DNAJB5: variants seen among roughly 807,000 people sequenced by gnomAD.
DNAJB5 encodes dnaJ homolog subfamily B member 5.
DNAJB5 carries 12 observed loss-of-function variants against 32.6 expected under a neutral mutation model. The observed-to-expected ratio is 0.37, with a 90% confidence interval of 0.24 to 0.60. The LOEUF (loss-of-function observed/expected upper bound fraction) is 0.60. Among genes scored for constraint, DNAJB5 ranks in the 20% least tolerant of loss-of-function variants. DNAJB5 has a pLI of 0.71. For missense variants in DNAJB5, 358 were observed against 554.2 expected, an observed-to-expected ratio of 0.65 and a Z score of 3.55; for synonymous variants, 188 against 212.9, an observed-to-expected ratio of 0.88 and a Z score of 1.02.
intron 2 of DNAJB5, chr9:34,992,862 T>C: frequency 8.7e-7 from 1 of 1,148,998 alleles, no homozygotes; most frequent in Admixed American, 4.6e-5. Flanking sequence ...GGTCGCTCAG[T>C]CCATGGTGCC....
In DNAJB5 at chr9:34,993,372, G is replaced by C. The variant is rs1369658683; in HGVS notation, c.355G>C (p.Glu119Gln). Residue 119 changes from glutamate (E) to glutamine (Q), a missense_variant, in exon 3 of 5, where the codon GAG (glutamate) becomes CAG (glutamine). By Grantham distance (29) the Glu-to-Gln change is conservative. Around this residue, in one of 2 missense-constraint regions of DNAJB5, gnomAD observed 248 missense variants for 442.6 expected, o/e 0.56. Transcript: ENST00000682809. The surrounding 1 kb of genome is among the most constrained non-coding windows in gnomAD (Gnocchi z 4.7). ...ACCCAACGCTGAGGAGAAGTTTAAG[G>C]AGATTGCAGAGGCCTATGATGTGCT... ...KEPNAEEKFK[E>Q]IAEAYDVLSD... The C allele has an allele frequency of 6.2e-7, 1 of 1,614,096 alleles. No homozygotes were observed. Among genetic ancestry groups the C allele is most frequent in the Non-Finnish European group, 8.5e-7 (1 of 1,180,014 alleles).
Position 34,993,382 on chromosome 9 carries a change from A to C in DNAJB5, c.365A>C (p.Glu122Ala). Residue 122 changes from glutamate to alanine, a missense_variant, in exon 3 of 5, where the codon GAG becomes GCG. Glu to Ala is a moderately radical substitution (Grantham distance 107). Transcript: ENST00000682809. The surrounding 1 kb of genome is among the most constrained non-coding windows in gnomAD (Gnocchi z 4.7). ...NAEEKFKEIA[E>A]AYDVLSDPKK... is the part of the protein sequence containing the mutation. ...GAGGAGAAGTTTAAGGAGATTGCAG[A>C]GGCCTATGATGTGCTAAGTGACCCC... is the stretch of plus-strand genomic sequence containing the variant. 6.2e-7 allele frequency: 1 copy of C among 1,614,080 alleles called. No individual in the cohort carries two copies. The highest frequency in any genetic ancestry group is 8.5e-7 in the Non-Finnish European group (1 of 1,180,016).
rs952122966 is a variant in DNAJB5 at position 34,996,475 on chromosome 9, T to C, written c.638T>C (p.Phe213Ser). 9.3e-6 allele frequency: 15 copies of C among 1,614,056 alleles called. No homozygotes were observed. Among genetic ancestry groups the C allele is most frequent in the Non-Finnish European group, 1.1e-5 (13 of 1,180,038 alleles). ...GAAGATGAGGACCCATTTGGCGCTT[T>C]CGGCCGTTTTGGCTTCAATGGGCTG... ...VDEDEDPFGA[F>S]GRFGFNGLSR... is the part of the protein sequence containing the mutation. The change falls in exon 4 of 5, where the codon TTC (phenylalanine) becomes TCC (serine). Residue 213 changes from phenylalanine (F) to serine (S), a missense_variant. Physicochemically the swap from Phe to Ser is radical, Grantham distance 155 (BLOSUM62 -2). Coordinates refer to ENST00000682809, the MANE Select transcript of DNAJB5 (RefSeq NM_001349723.3). The surrounding 1 kb of genome is among the most constrained non-coding windows in gnomAD (Gnocchi z 7.2).
rs1827862582 is a variant in DNAJB5 at position 34,998,407 on chromosome 9, A to G, written c.*1148A>G. On this transcript the variant is annotated 3_prime_UTR_variant, in exon 5 of 5. Coordinates refer to ENST00000682809, the MANE Select transcript of DNAJB5 (RefSeq NM_001349723.3). ...TTTTTGTAATGACAGTATTATGTAA[A>G]AAATAAAGTATTTTAAAAATATGGC... The G allele has an allele frequency of 6.6e-6, 1 of 152,548 alleles. No individual in the cohort carries two copies. The highest frequency in any genetic ancestry group is 1.5e-5 in the Non-Finnish European group (1 of 68,044). The allele number at this position is 152,548 out of a possible 1,614,324, so 9.4% of individuals were successfully genotyped here. A position where few individuals can be genotyped will look rare whatever the true frequency, so the allele number is the denominator to read the frequency against.
In DNAJB5 at chr9:34,997,870, G is replaced by T. The variant is rs757836407; in HGVS notation, c.*611G>T. On this transcript the variant is annotated 3_prime_UTR_variant, in exon 5 of 5. Coordinates refer to ENST00000682809, the MANE Select transcript of DNAJB5 (RefSeq NM_001349723.3). The surrounding 1 kb of genome is among the most constrained non-coding windows in gnomAD (Gnocchi z 4.1). ...AGACACTTTTCATCTGGAGCAGGGG[G>T]GTGAGCTCCTCAGCAGCCTCCGTAA... 4 of 199,738 alleles carry T rather than the reference G, an allele frequency of 2.0e-5. No individual in the cohort carries two copies. The highest frequency in any genetic ancestry group is 3.1e-5 in the Non-Finnish European group (3 of 96,380). The allele number at this position is 199,738 out of a possible 1,614,324, so 12.4% of individuals were successfully genotyped here.
Position 34,996,278 on chromosome 9 carries a change from C to T in DNAJB5, c.441C>T (p.Gly147=), listed in dbSNP as rs1325996885. 1.7e-5 allele frequency: 28 copies of T among 1,613,260 alleles called. No individual in the cohort carries two copies. Among genetic ancestry groups the T allele is most frequent in the South Asian group, 6.6e-5 (6 of 91,024 alleles). The stretch of plus-strand genomic sequence containing the variant: ...CCTCCCCTCTAGGCCTGAAGACCGG[C>T]GGTGGCACATCAGGTGGCTCCAGTG... ...DQYGEEGLKT[G]GGTSGGSSGS... is the part of the protein sequence containing the mutation. The change falls in exon 4 of 5, where the codon GGC becomes GGT. Residue 147 remains glycine, a synonymous_variant. Coordinates refer to ENST00000682809, the MANE Select transcript of DNAJB5 (RefSeq NM_001349723.3). The surrounding 1 kb of genome is among the most constrained non-coding windows in gnomAD (Gnocchi z 7.2).
Position 34,996,558 on chromosome 9 carries a change from C to A in DNAJB5, c.721C>A (p.Pro241Thr). The A allele has an allele frequency of 6.2e-7, 1 of 1,614,112 alleles. No homozygotes were observed. The highest frequency in any genetic ancestry group is 1.3e-5 in the African/African-American group (1 of 75,010). The change falls in exon 4 of 5, where the codon CCC (proline) becomes ACC (threonine). Residue 241 changes from proline to threonine, a missense_variant. Physicochemically the swap from Pro to Thr is conservative, Grantham distance 38. Around this residue, in one of 2 missense-constraint regions of DNAJB5, gnomAD observed 248 missense variants for 442.6 expected, o/e 0.56. Transcript: ENST00000682809. This position sits in a 1 kb window ranked among gnomAD's most constrained non-coding sequence, Gnocchi z 7.2. ...PLYPRRKVQD[P>T]PVVHELRVSL... ...GTACCCTCGGCGCAAGGTGCAGGACCCCCCAGTGGTGCACGAGCTGCGGGT... is the reference window on the plus strand; with the variant it reads ...GTACCCTCGGCGCAAGGTGCAGGACACCCCAGTGGTGCACGAGCTGCGGGT...
In DNAJB5 at chr9:34,990,822, T is replaced by C; in HGVS notation, c.182+10T>C. 3 of 1,546,120 alleles carry C rather than the reference T, an allele frequency of 1.9e-6. No individual in the cohort carries two copies. The highest frequency in any genetic ancestry group is 2.6e-6 in the Non-Finnish European group (3 of 1,144,378). ...GGTTTGTAAAGTTTCGGTAAGTCCCTCCGGAGAAGGGCACTCACACCCATA... is the reference window on the plus strand; with the variant it reads ...GGTTTGTAAAGTTTCGGTAAGTCCCCCCGGAGAAGGGCACTCACACCCATA... On this transcript the variant is annotated intron_variant, in intron 2 of 4. Coordinates refer to ENST00000682809, the MANE Select transcript of DNAJB5 (RefSeq NM_001349723.3). The surrounding 1 kb of genome is among the most constrained non-coding windows in gnomAD (Gnocchi z 4.5).
Position 34,993,909 on chromosome 9 carries a change from G to A in DNAJB5, c.427+465G>A, listed in dbSNP as rs997982770. ...AAATGGTTTTCCCCTTCTCTCCCCC[G>A]GCCCTGCCTGCTTCTGGCCAGCAGA... On this transcript the variant is annotated intron_variant, in intron 3 of 4. Coordinates refer to ENST00000682809, the MANE Select transcript of DNAJB5 (RefSeq NM_001349723.3). This position sits in a 1 kb window ranked among gnomAD's most constrained non-coding sequence, Gnocchi z 4.7. Among the ~76,000 whole-genome samples the A allele has an allele frequency of 3.3e-5, 5 of 152,188 alleles. No homozygotes were observed. The highest frequency in any genetic ancestry group is 4.1e-4 in the South Asian group (2 of 4,824).
intron 3 of DNAJB5, among the ~76,000 whole-genome samples, chr9:34,994,984 G>C (rs1025123499): frequency 1.1e-4 from 17 of 152,116 alleles, no homozygotes; most frequent in African/African-American, 3.9e-4. Flanking sequence ...TCCCTATAGA[G>C]AGAATTACCC....
Position 34,990,870 on chromosome 9 carries a change from C to A in DNAJB5, c.182+58C>A. ...ATACCCAGTCAAACCCTCCACGCGG[C>A]CATCCCCTCCATTGCCTTCCTGCTT... On this transcript the variant is annotated intron_variant, in intron 2 of 4. Transcript: ENST00000682809. The surrounding 1 kb of genome is among the most constrained non-coding windows in gnomAD (Gnocchi z 4.5). 1 of 1,483,304 alleles carries A rather than the reference C, an allele frequency of 6.7e-7. No homozygotes were observed. The allele number at this position is 1,483,304 out of a possible 1,614,324, so 91.9% of individuals were successfully genotyped here. A position where few individuals can be genotyped will look rare whatever the true frequency, so the allele number is the denominator to read the frequency against.
At position 34,997,268 on chromosome 9, in the gene DNAJB5, C is replaced by T. The variant is rs1274318724; in HGVS notation, c.*9C>T. ...ACCTACCCTGTTCCTAGGCTCTGCC[C>T]CAGCCAGTCCAGAGCCTACCACAGC... On this transcript the variant is annotated 3_prime_UTR_variant, in exon 5 of 5. Coordinates refer to ENST00000682809, the MANE Select transcript of DNAJB5 (RefSeq NM_001349723.3). The surrounding 1 kb of genome is among the most constrained non-coding windows in gnomAD (Gnocchi z 4.1). 1 of 1,612,734 alleles carries T rather than the reference C, an allele frequency of 6.2e-7. No homozygotes were observed. Among genetic ancestry groups the T allele is most frequent in the Admixed American group, 1.7e-5 (1 of 60,022 alleles).
At position 34,990,716 on chromosome 9, in the gene DNAJB5, C is replaced by T. The variant is rs1429801943; in HGVS notation, c.86C>T (p.Ser29Phe). The T allele has an allele frequency of 6.4e-7, 1 of 1,551,744 alleles. No homozygotes were observed. The highest frequency in any genetic ancestry group is 8.7e-7 in the Non-Finnish European group (1 of 1,146,994). ...GGAGCTTTCCGGAGCTTCCCACACT[C>T]CTGGGGAGAAGACTTCTTAGCCAGC... Reference protein sequence around the residue: ...ARGAFRSFPHSWGEDFLASLM... With the variant: ...ARGAFRSFPHFWGEDFLASLM... Residue 29 changes from serine (S) to phenylalanine (F), a missense_variant, in exon 2 of 5, where the codon TCC (serine) becomes TTC (phenylalanine). Transcript: ENST00000682809. This position sits in a 1 kb window ranked among gnomAD's most constrained non-coding sequence, Gnocchi z 4.5.
Position 34,990,874 on chromosome 9 carries a change from C to A in DNAJB5, c.182+62C>A, listed in dbSNP as rs147463499. 28 of 1,481,278 alleles carry A rather than the reference C, an allele frequency of 1.9e-5. No homozygotes were observed. The highest frequency in any genetic ancestry group is 2.5e-5 in the Non-Finnish European group (28 of 1,107,048). 91.8% of individuals were successfully genotyped at this position (1,481,278 alleles called of 1,614,324 possible). On this transcript the variant is annotated intron_variant, in intron 2 of 4. Coordinates refer to ENST00000682809, the MANE Select transcript of DNAJB5 (RefSeq NM_001349723.3). This position sits in a 1 kb window ranked among gnomAD's most constrained non-coding sequence, Gnocchi z 4.5. ...CCAGTCAAACCCTCCACGCGGCCAT[C>A]CCCTCCATTGCCTTCCTGCTTCCTC...
At position 34,990,105 on chromosome 9, in the gene DNAJB5, ACCAG is replaced by A; in HGVS notation, c.-133+284_-133+287del. ...GTGGGGCGGAGGCATCTGTGAGCAG[ACCAG>A]CCAGCCAGCGCGGGTGACATCACCG... On this transcript the variant is annotated intron_variant, in intron 1 of 4. Transcript: ENST00000682809. This position sits in a 1 kb window ranked among gnomAD's most constrained non-coding sequence, Gnocchi z 4.5. 1 of 766,218 alleles carries A rather than the reference ACCAG, an allele frequency of 1.3e-6. No homozygotes were observed. The highest frequency in any genetic ancestry group is 2.0e-6 in the Non-Finnish European group (1 of 499,224). 47.5% of individuals were successfully genotyped at this position (766,218 alleles called of 1,614,324 possible).
In DNAJB5 at chr9:34,997,280, G is replaced by C; in HGVS notation, c.*21G>C. The C allele has an allele frequency of 6.2e-7, 1 of 1,610,662 alleles. No homozygotes were observed. The highest frequency in any genetic ancestry group is 1.3e-5 in the African/African-American group (1 of 74,940). On this transcript the variant is annotated 3_prime_UTR_variant, in exon 5 of 5. Transcript: ENST00000682809. This position sits in a 1 kb window ranked among gnomAD's most constrained non-coding sequence, Gnocchi z 4.1. Reference sequence around the variant, plus strand: ...CCTAGGCTCTGCCCCAGCCAGTCCAGAGCCTACCACAGCAATACCCCCAAC... The same window carrying C: ...CCTAGGCTCTGCCCCAGCCAGTCCACAGCCTACCACAGCAATACCCCCAAC...
chr9:34,992,864 C>A, intron 2 of DNAJB5: 1 of 1,159,440 alleles, frequency 8.6e-7, no homozygotes, highest in Non-Finnish European at 1.1e-6. Context: ...TCGCTCAGTC[C>A]ATGGTGCCAC....
rs765620962 is a variant in DNAJB5, at chr9:34,997,244, C to T, written c.1248C>T (p.His416=). 5.6e-6 allele frequency: 9 copies of T among 1,614,204 alleles called. No homozygotes were observed. The highest frequency in any genetic ancestry group is 5.9e-6 in the Non-Finnish European group (7 of 1,180,030). The change falls in exon 5 of 5, where the codon CAC becomes CAT. Residue 416 remains histidine, a synonymous_variant. Coordinates refer to ENST00000682809, the MANE Select transcript of DNAJB5 (RefSeq NM_001349723.3). The surrounding 1 kb of genome is among the most constrained non-coding windows in gnomAD (Gnocchi z 4.1). ...TPQTRQILKQ[H]LPCS is the part of the protein sequence containing the mutation. ...AGACAAGACAGATCCTTAAGCAGCACCTACCCTGTTCCTAGGCTCTGCCCC... is the reference window on the plus strand; with the variant it reads ...AGACAAGACAGATCCTTAAGCAGCATCTACCCTGTTCCTAGGCTCTGCCCC...
Position 34,997,794 on chromosome 9 carries a change from G to A in DNAJB5, c.*535G>A. 4.6e-6 allele frequency: 1 copy of A among 216,772 alleles called. No individual in the cohort carries two copies. Among genetic ancestry groups the A allele is most frequent in the Non-Finnish European group, 9.4e-6 (1 of 105,990 alleles). 13.4% of individuals were successfully genotyped at this position (216,772 alleles called of 1,614,324 possible). A position where few individuals can be genotyped will look rare whatever the true frequency, so the allele number is the denominator to read the frequency against. ...GTCTGTGCCTCTCTGGGAGAAAGGA[G>A]AGAGGATAAGAAGGGAAAGTTCACA... On this transcript the variant is annotated 3_prime_UTR_variant, in exon 5 of 5. Coordinates refer to ENST00000682809, the MANE Select transcript of DNAJB5 (RefSeq NM_001349723.3). This position sits in a 1 kb window ranked among gnomAD's most constrained non-coding sequence, Gnocchi z 4.1.
Sources: gnomAD v4.1 joint callset for allele counts (sites outside exome capture counted in the v4.1 genomes callset) on GRCh38, gnomAD v4.1.1 for gene constraint, gnomAD v4.1.1 regional missense constraint, Gnocchi (gnomAD v3.1) non-coding constraint, MANE v1.5 for transcripts, NCBI Gene and HGNC (gene_info 2026-07-23, HGNC 2026-07-21) for gene names.